SI: variants seen among roughly 807,000 people sequenced by gnomAD.
SI encodes the protein sucrase-isomaltase.
In SI, 235 loss-of-function variants were observed where a neutral mutation model predicts 253.3. The observed-to-expected ratio is 0.93, with a 90% CI of 0.83 to 1.03. SI has a LOEUF of 1.03. SI is among the 50% of genes least tolerant of loss of function. The pLI is 0.00. For synonymous variants in SI, 819 were observed against 712.0 expected (o/e 1.15, Z -2.39); for missense variants, 2,442 against 2,211.1 (o/e 1.10, Z -2.09).
At chr3:165,055,538 A>G (rs1281122172) in intron 12 of SI, among the ~76,000 whole-genome samples, 1 of 152,030 alleles carries the variant, frequency 6.6e-6, no homozygotes, top group Non-Finnish European at 1.5e-5. Context: ...AAAAATTATC[A>G]GAACATGGTA....
intron 24 of SI, among the ~76,000 whole-genome samples, chr3:165,032,147 G>T (rs1278196315): frequency 5.3e-5 from 8 of 151,238 alleles, no homozygotes; most frequent in African/African-American, 1.9e-4. Flanking sequence ...AAACCAATTT[G>T]TTAAAGAGTC....
At chr3:165,078,869 T>A (rs1282962521), upstream of SI, among the ~76,000 whole-genome samples, 1 of 151,526 alleles carries the variant, frequency 6.6e-6, no homozygotes, top group Non-Finnish European at 1.5e-5. Flanking sequence ...AGACAGAATC[T>A]GTGAAAAATT....
intron 20 of SI, 52 bp from the exon 21 acceptor site, chr3:165,038,076 T>A (rs766731742): frequency 3.9e-5 from 58 of 1,490,350 alleles, no homozygotes; most frequent in Non-Finnish European, 4.9e-5. Flanking sequence ...GACTTTAAAC[T>A]CTATTTCACA....
At chr3:165,082,861 G>T (rs1440734689), upstream of SI, among the ~76,000 whole-genome samples, 1 of 151,984 alleles carries the variant, frequency 6.6e-6, no homozygotes, top group South Asian at 2.1e-4. Context: ...GGGTCTCTTA[G>T]TAACAGGAAG....
intron 10 of SI, 72 bp downstream of exon 10, chr3:165,059,830 T>G (rs746786334): frequency 5.4e-6 from 8 of 1,491,578 alleles, no homozygotes; most frequent in Admixed American, 1.7e-5. Context: ...CTCCTGACAA[T>G]TTCCTACAGT....
intron 9 of SI, among the ~76,000 whole-genome samples, chr3:165,061,319 CTT>C (rs71870448): frequency 0.016 from 2,429 of 152,046 alleles, 68 homozygotes; most frequent in African/African-American, 0.055. Context: ...GTTTCTCTCT[CTT>C]GTTCATGTGA....
chr3:165,080,765 G>A (rs879407664), upstream of SI, among the ~76,000 whole-genome samples: 15 of 151,926 alleles, frequency 9.9e-5, no homozygotes, highest in Non-Finnish European at 1.5e-4. Context: ...GGTGGAGGAA[G>A]GGGGGAGGGA....
chr3:165,032,428 CTG>C, intron 24 of SI, 92 bp downstream of exon 24: 4 of 813,420 alleles, frequency 4.9e-6, no homozygotes, highest in Non-Finnish European at 5.9e-6. Flanking sequence ...GGAATACACA[CTG>C]TGAGGAGAAA....
At position 165,055,198 on chromosome 3, in the gene SI, C is replaced by G; in HGVS notation, c.1508G>C (p.Trp503Ser). The G allele has an allele frequency of 6.3e-7, 1 of 1,586,410 alleles. No homozygotes were observed. Among genetic ancestry groups the G allele is most frequent in the Middle Eastern group, 1.7e-4 (1 of 5,972 alleles). Residue 503 changes from tryptophan to serine, a missense_variant, in exon 13 of 48, where the codon TGG becomes TCG. Trp to Ser is a radical substitution (Grantham distance 177). Coordinates refer to ENST00000264382, the MANE Select transcript of SI (RefSeq NM_001041.4). ...FHQEVQYDGL[W>S]IDMNEVSSFI... ...TGGTTTAAAATAGCTACTTACAATCCAAAGTCCATCATATTGCACTTCTTG... is the reference window on the plus strand; with the variant it reads ...TGGTTTAAAATAGCTACTTACAATCGAAAGTCCATCATATTGCACTTCTTG...
intron 22 of SI, among the ~76,000 whole-genome samples, chr3:165,035,083 A>T (rs1712464213): frequency 6.6e-6 from 1 of 151,994 alleles, no homozygotes; most frequent in East Asian, 1.9e-4. Flanking sequence ...ATCAACTGAC[A>T]AAGGGAACAC....
At chr3:165,081,792 A>G (rs900551828), upstream of SI, among the ~76,000 whole-genome samples, 1 of 151,956 alleles carries the variant, frequency 6.6e-6, no homozygotes, top group Non-Finnish European at 1.5e-5. Flanking sequence ...AAGCAGGTGC[A>G]ATAGAACACA....
chr3:165,073,424 AC>A (rs1714728010), intron 3 of SI, among the ~76,000 whole-genome samples: 1 of 152,022 alleles, frequency 6.6e-6, no homozygotes, highest in Non-Finnish European at 1.5e-5. Flanking sequence ...AAGCTATAGG[AC>A]CTATTACTTG....
chr3:164,981,144 C>T (rs892691461), intron 47 of SI, among the ~76,000 whole-genome samples: 2 of 151,682 alleles, frequency 1.3e-5, no homozygotes, highest in Admixed American at 6.6e-5. Context: ...TTTATTTTAC[C>T]GAGGAAGGAC....
chr3:165,000,252 G>A (rs1308197876), intron 37 of SI, among the ~76,000 whole-genome samples: 2 of 151,066 alleles, frequency 1.3e-5, no homozygotes, highest in African/African-American at 4.8e-5. Context: ...TCTTACACTT[G>A]AAAAACTTCT....
At chr3:164,993,746 A>C (rs908659893) in intron 41 of SI, among the ~76,000 whole-genome samples, 14 of 151,778 alleles carry the variant, frequency 9.2e-5, no homozygotes, top group African/African-American at 2.7e-4. Flanking sequence ...ATTTGGTCAT[A>C]TAAAAGTTTG....
chr3:164,979,402 T>C lies in SI; in HGVS notation c.5444A>G (p.Asn1815Ser), dbSNP rs924400088. ...MILRIDLTTH[N>S]VTLEEPIEIN... is the part of the protein sequence containing the mutation. ...TTCTATTGGTTCTTCTAGAGTAACA[T>C]TGTGTGTGGTCAGATCAATACGTAA... Residue 1815 changes from asparagine to serine, a missense_variant, in exon 48 of 48, where the codon AAT becomes AGT. Coordinates refer to ENST00000264382, the MANE Select transcript of SI (RefSeq NM_001041.4). The C allele has an allele frequency of 1.9e-6, 3 of 1,581,664 alleles. No individual in the cohort carries two copies. Among genetic ancestry groups the C allele is most frequent in the Non-Finnish European group, 2.6e-6 (3 of 1,151,948 alleles).
At position 164,987,072 on chromosome 3, in the gene SI, A is replaced by C. The variant is rs899863230; in HGVS notation, c.5197+66T>G. The C allele has an allele frequency of 7.4e-6, 9 of 1,213,584 alleles. No individual in the cohort carries two copies. In the African/African-American group the frequency reaches 1.3e-4, roughly 18 times the overall value. The allele number at this position is 1,213,584 out of a possible 1,614,324, so 75.2% of individuals were successfully genotyped here. ...CTCAGCTTCCAAAGAACAATAATAG[A>C]TAACGTAAAAGTAATGTGATAGAAT... On this transcript the variant is annotated intron_variant, in intron 45 of 47. Transcript: ENST00000264382.
chr3:165,058,898 A>ACAC, intron 12 of SI, 65 bp downstream of exon 12: 8 of 1,412,392 alleles, frequency 5.7e-6, no homozygotes, highest in Middle Eastern at 1.8e-4. Context: ...GCACATCCAC[A>ACAC]GAAACTTTAT....
At chr3:165,084,055 G>A in the SI span, among the ~76,000 whole-genome samples, 2 of 152,086 alleles carry the variant, frequency 1.3e-5, no homozygotes, top group African/African-American at 4.8e-5. Flanking sequence ...TAAAGATGAT[G>A]CTATTAGGAA....
Sources: allele counts gnomAD v4.1 joint callset (sites outside exome capture counted in the v4.1 genomes callset), GRCh38; gene constraint gnomAD v4.1.1; transcripts MANE v1.5; gene names NCBI Gene and HGNC (gene_info 2026-07-23, HGNC 2026-07-21).